LSAMP: variants seen among roughly 807,000 people sequenced by gnomAD.
LSAMP encodes the protein limbic system-associated membrane protein.
In LSAMP, 7 loss-of-function variants were observed where a neutral mutation model predicts 38.6. That is an observed-to-expected ratio of 0.18 (90% confidence interval 0.10 to 0.34). LSAMP has a LOEUF of 0.34. Ranked by LOEUF, LSAMP falls within the 10% of genes least tolerant of loss-of-function variation. LSAMP has a pLI of 1.00. For synonymous variants in LSAMP, 154 were observed against 166.8 expected (o/e 0.92, Z 0.59); for missense variants, 313 against 420.0 (o/e 0.75, Z 2.23).
intron 3 of LSAMP, among the ~76,000 whole-genome samples, chr3:115,943,126 A>G (rs1366301536): frequency 6.6e-6 from 1 of 152,168 alleles, no homozygotes; most frequent in Non-Finnish European, 1.5e-5. Flanking sequence ...AACAAAGAAA[A>G]CTATGAACAA....
chr3:116,094,573 A>T (rs1459241709), intron 1 of LSAMP, among the ~76,000 whole-genome samples: 1 of 152,240 alleles, frequency 6.6e-6, no homozygotes. Flanking sequence ...CTACATGCAC[A>T]CACAGAAGTA....
At chr3:116,311,792 A>T (rs914504884) in intron 1 of LSAMP, among the ~76,000 whole-genome samples, 6 of 152,232 alleles carry the variant, frequency 3.9e-5, no homozygotes, top group Admixed American at 2.6e-4. Context: ...CAGTCATTGC[A>T]GTAGTAGAGA....
In LSAMP at chr3:115,809,112, C is replaced by G. The variant is rs1284384162; in HGVS notation, c.*1205G>C. 2 of 152,066 alleles carry G rather than the reference C, an allele frequency of 1.3e-5. No homozygotes were observed. Among genetic ancestry groups the G allele is most frequent in the Non-Finnish European group, 2.9e-5 (2 of 68,012 alleles). 9.4% of individuals were successfully genotyped at this position (152,066 alleles called of 1,614,324 possible). On this transcript the variant is annotated 3_prime_UTR_variant, in exon 7 of 7. Transcript: ENST00000490035. ...ATTTTCACAGTGGAGCAGGGCCTAC[C>G]CTGTTAAATGCCAGGAAATATAAGA...
At chr3:116,130,731 T>C (rs1709106786) in intron 1 of LSAMP, among the ~76,000 whole-genome samples, 1 of 152,146 alleles carries the variant, frequency 6.6e-6, no homozygotes, top group Non-Finnish European at 1.5e-5. Flanking sequence ...GAAAGTACAG[T>C]TTTTAATACA....
intron 3 of LSAMP, among the ~76,000 whole-genome samples, chr3:115,946,180 G>A (rs1318759322): frequency 6.6e-6 from 1 of 152,164 alleles, no homozygotes; most frequent in South Asian, 2.1e-4. Flanking sequence ...AATACTGCAT[G>A]ATCTCACTTA....
intron 2 of LSAMP, among the ~76,000 whole-genome samples, chr3:116,084,835 A>G (rs1469223708): frequency 6.6e-6 from 1 of 152,108 alleles, no homozygotes; most frequent in Admixed American, 6.5e-5. Context: ...AAGAAGAAAA[A>G]TCACGAGATA....
intron 1 of LSAMP, among the ~76,000 whole-genome samples, chr3:116,168,229 T>TA (rs1323321677): frequency 1.7e-4 from 25 of 144,124 alleles, no homozygotes; most frequent in African/African-American, 2.8e-4. Context: ...TTATTATTAT[T>TA]TTTTTTTTAC....
chr3:115,873,321 T>C (rs900246950), intron 3 of LSAMP, among the ~76,000 whole-genome samples: 4 of 150,798 alleles, frequency 2.7e-5, no homozygotes, highest in Non-Finnish European at 5.9e-5. Context: ...AGGTGGAAGT[T>C]GCAGTGAGCT....
intron 3 of LSAMP, among the ~76,000 whole-genome samples, chr3:115,930,076 TA>T (rs1937557975): frequency 7.8e-6 from 1 of 128,734 alleles, no homozygotes; most frequent in Non-Finnish European, 1.6e-5. Flanking sequence ...GGCAGAGAAT[TA>T]GACTGGGGAA....
chr3:116,256,958 C>T (rs1183499557), intron 1 of LSAMP, among the ~76,000 whole-genome samples: 3 of 152,222 alleles, frequency 2.0e-5, no homozygotes, highest in Admixed American at 1.3e-4. Context: ...TTTTTCCTTG[C>T]TTTCACATCT....
chr3:116,423,962 G>C (rs2049161656), intron 1 of LSAMP, among the ~76,000 whole-genome samples: 1 of 152,114 alleles, frequency 6.6e-6, no homozygotes, highest in African/African-American at 2.4e-5. Flanking sequence ...ATGAACCAGA[G>C]TCTAAAACCA....
Position 116,408,810 on chromosome 3 carries a change from T to C in LSAMP, c.155+36067A>G, listed in dbSNP as rs897141958. 1.4e-4 allele frequency among the ~76,000 whole-genome samples: 22 copies of C among 152,080 alleles called. 1 individual carries two copies. The highest frequency in any genetic ancestry group is 4.8e-4 in the African/African-American group (20 of 41,442). On this transcript the variant is annotated intron_variant, in intron 1 of 6. Coordinates refer to ENST00000490035, the MANE Select transcript of LSAMP (RefSeq NM_002338.5). ...GAAGTTTGAAAATGAGTTGGCTTAC[T>C]GATTGTCAGATACACAATGACTATA...
intron 1 of LSAMP, among the ~76,000 whole-genome samples, chr3:116,131,240 C>T (rs1237894727): frequency 6.6e-6 from 1 of 151,996 alleles, no homozygotes. Flanking sequence ...ATCCGCCCAC[C>T]TTGGCCTCCC....
At chr3:116,347,634 G>A (rs1002743287) in intron 1 of LSAMP, among the ~76,000 whole-genome samples, 2 of 151,972 alleles carry the variant, frequency 1.3e-5, no homozygotes, top group African/African-American at 2.4e-5. Flanking sequence ...GAATAACTAT[G>A]AGGCAGAAAT....
chr3:116,348,664 T>A (rs1292592456), intron 1 of LSAMP, among the ~76,000 whole-genome samples: 1 of 152,176 alleles, frequency 6.6e-6, no homozygotes. Context: ...AAACTCGTAT[T>A]AATTCCCAAC....
Position 115,938,082 on chromosome 3 carries a change from T to C in LSAMP, c.514+81433A>G, listed in dbSNP as rs139108796. On this transcript the variant is annotated intron_variant, in intron 3 of 6. Transcript: ENST00000490035. ...TGTGGGCAAGACAACAGTAAAAGAA[T>C]GAAAACAACTAACAATAGATAAAAA... 2.6e-5 allele frequency among the ~76,000 whole-genome samples: 4 copies of C among 152,300 alleles called. No individual in the cohort carries two copies. In the East Asian group the frequency reaches 7.7e-4, roughly 29 times the overall value.
chr3:116,268,484 T>TA (rs1244046648), intron 1 of LSAMP, among the ~76,000 whole-genome samples: 3 of 152,120 alleles, frequency 2.0e-5, no homozygotes, highest in Non-Finnish European at 4.4e-5. Context: ...ACCAGCTCTT[T>TA]ATATGCTGCT....
intron 1 of LSAMP, among the ~76,000 whole-genome samples, chr3:116,216,652 G>T (rs1219583781): frequency 1.3e-5 from 2 of 152,032 alleles, no homozygotes; most frequent in Non-Finnish European, 2.9e-5. Context: ...AAACTAGCAG[G>T]CACAGTAATG....
At chr3:115,863,895 G>T (rs1176014601) in intron 3 of LSAMP, among the ~76,000 whole-genome samples, 5 of 152,100 alleles carry the variant, frequency 3.3e-5, no homozygotes, top group Admixed American at 1.3e-4. Context: ...AAGGGAAAAA[G>T]AATGATTAGG....
Sources: allele counts gnomAD v4.1 joint callset (sites outside exome capture counted in the v4.1 genomes callset), GRCh38; gene constraint gnomAD v4.1.1; transcripts MANE v1.5; gene names NCBI Gene and HGNC (gene_info 2026-07-23, HGNC 2026-07-21).